GNAL: variants seen among roughly 807,000 people sequenced by gnomAD.
The protein encoded by GNAL is guanine nucleotide-binding protein G(olf) subunit alpha.
A neutral mutation model predicts 55.1 loss-of-function variants in GNAL; 18 were observed. The observed-to-expected ratio is 0.33, with a 90% CI of 0.23 to 0.48. GNAL has a LOEUF of 0.48. Among genes scored for constraint, GNAL ranks in the 20% least tolerant of loss-of-function variants. The pLI, the probability that GNAL is intolerant of heterozygous loss-of-function variation, is 0.99. For synonymous variants in GNAL, 253 were observed against 237.0 expected, an observed-to-expected ratio of 1.07 and a Z score of -0.62; for missense variants, 412 against 614.1, an observed-to-expected ratio of 0.67 and a Z score of 3.48.
At chr18:11,821,535 G>C (rs2035089482) in intron 4 of GNAL, among the ~76,000 whole-genome samples, 1 of 152,208 alleles carries the variant, frequency 6.6e-6, no homozygotes, top group African/African-American at 2.4e-5. Context: ...ATTTTAAATA[G>C]GGATTATCAT....
At position 11,878,393 on chromosome 18, in the gene GNAL, G is replaced by A. The variant is rs547031380; in HGVS notation, c.1230+1705G>A. On this transcript the variant is annotated intron_variant, in intron 11 of 11. Transcript: ENST00000334049. ...TTGAGCCTAGGAATTTGAGGTGGCA[G>A]TGAGCTATGATTGTGCCACTGCACC... 6.6e-5 allele frequency among the ~76,000 whole-genome samples: 10 copies of A among 152,322 alleles called. No homozygotes were observed. The South Asian group carries it at 1.9e-3, about 28-fold the overall frequency.
At chr18:11,734,152 T>C (rs1369279644) in intron 1 of GNAL, among the ~76,000 whole-genome samples, 2 of 149,834 alleles carry the variant, frequency 1.3e-5, no homozygotes, top group African/African-American at 4.9e-5. Context: ...CTTTTTCTTT[T>C]TTTTTTTTTT....
chr18:11,775,878 T>C (rs887086018), intron 4 of GNAL, among the ~76,000 whole-genome samples: 2 of 152,334 alleles, frequency 1.3e-5, no homozygotes, highest in South Asian at 4.1e-4. Context: ...AAAAAAGTTT[T>C]ATTGCTGAAA....
intron 11 of GNAL, among the ~76,000 whole-genome samples, chr18:11,880,126 G>A (rs608449): frequency 0.35 from 51,830 of 149,548 alleles, 9,918 homozygotes; most frequent in Admixed American, 0.43. Flanking sequence ...GCGTGGTGGC[G>A]CACGCCTGTA....
chr18:11,771,940 C>T (rs777671598), intron 4 of GNAL, among the ~76,000 whole-genome samples: 8 of 151,960 alleles, frequency 5.3e-5, no homozygotes, highest in Non-Finnish European at 1.2e-4. Flanking sequence ...AGCCTGGTCT[C>T]GAACTCCTGA....
rs984895037 is a variant in GNAL at position 11,723,458 on chromosome 18, T to G, written c.377-29395T>G. Among the ~76,000 whole-genome samples, 4 of 152,218 alleles carry G rather than the reference T, an allele frequency of 2.6e-5. No individual in the cohort carries two copies. In the South Asian group the frequency reaches 8.3e-4, roughly 32 times the overall value. The stretch of plus-strand genomic sequence containing the variant: ...TTGCTAATCCCTGGTCTAGACTCTA[T>G]AGACAACCCCAAGCATATGAACAAG... On this transcript the variant is annotated intron_variant, in intron 1 of 11. Transcript: ENST00000334049.
At chr18:11,741,079 CT>C (rs1009496670) in intron 1 of GNAL, among the ~76,000 whole-genome samples, 3 of 152,228 alleles carry the variant, frequency 2.0e-5, no homozygotes, top group African/African-American at 7.2e-5. Context: ...GCTAAGGCAA[CT>C]GGGCAAAGAG....
chr18:11,759,861 C>A (rs564056912), intron 4 of GNAL, among the ~76,000 whole-genome samples: 146 of 152,290 alleles, frequency 9.6e-4, no homozygotes, highest in African/African-American at 3.3e-3. Context: ...CTATCTCCTG[C>A]TAGAAGGCTT....
intron 1 of GNAL, among the ~76,000 whole-genome samples, chr18:11,706,613 A>G (rs1025194917): frequency 4.6e-5 from 7 of 152,342 alleles, no homozygotes; most frequent in Non-Finnish European, 8.8e-5. Flanking sequence ...AGTCCTCTCA[A>G]ACATGCTGCT....
chr18:11,725,610 T>C (rs937477698), intron 1 of GNAL, among the ~76,000 whole-genome samples: 7 of 152,232 alleles, frequency 4.6e-5, no homozygotes, highest in Non-Finnish European at 8.8e-5. Context: ...GGTGGCTCCA[T>C]GTCTTTTCAT....
At chr18:11,705,666 A>G (rs1411854450) in intron 1 of GNAL, among the ~76,000 whole-genome samples, 3 of 149,912 alleles carry the variant, frequency 2.0e-5, no homozygotes, top group African/African-American at 7.3e-5. Flanking sequence ...GTGTGAGGTG[A>G]TATGTCATTA....
intron 5 of GNAL, among the ~76,000 whole-genome samples, chr18:11,846,816 C>G (rs1270602134): frequency 6.6e-6 from 1 of 151,906 alleles, no homozygotes; most frequent in Non-Finnish European, 1.5e-5. Context: ...ACCTCAAACT[C>G]CTGGGCCGCC....
At position 11,842,033 on chromosome 18, in the gene GNAL, T is replaced by C. The variant is rs113103208; in HGVS notation, c.722+17018T>C. 3.4e-3 allele frequency among the ~76,000 whole-genome samples: 511 copies of C among 151,904 alleles called. 2 individuals are homozygous for C. The highest frequency in any genetic ancestry group is 0.012 in the African/African-American group (488 of 41,444). On this transcript the variant is annotated intron_variant, in intron 5 of 11. Coordinates refer to ENST00000334049, the MANE Select transcript of GNAL (RefSeq NM_182978.4). ...TGTTGCCCAGGCTGAAGTGCAATGG[T>C]GCAATCTCGACTCACCTCAACCTTC...
intron 5 of GNAL, among the ~76,000 whole-genome samples, chr18:11,850,324 A>C (rs2035829579): frequency 6.6e-6 from 1 of 152,158 alleles, no homozygotes; most frequent in Non-Finnish European, 1.5e-5. Context: ...GTGTTGTGAA[A>C]CTGACTGGCA....
At chr18:11,801,190 T>A (rs1598470987) in intron 4 of GNAL, among the ~76,000 whole-genome samples, 1 of 152,118 alleles carries the variant, frequency 6.6e-6, no homozygotes, top group African/African-American at 2.4e-5. Flanking sequence ...CAAAAAGATA[T>A]CTGCCCTGGG....
At chr18:11,797,834 GA>G (rs2034430790) in intron 4 of GNAL, among the ~76,000 whole-genome samples, 2 of 151,844 alleles carry the variant, frequency 1.3e-5, no homozygotes, top group Admixed American at 6.6e-5. Context: ...GGCCCACATG[GA>G]AAAAGGCAAA....
chr18:11,825,040 C>T (rs56207521), intron 5 of GNAL, 25 bp downstream of exon 5: 6 of 1,234,034 alleles, frequency 4.9e-6, no homozygotes, highest in Non-Finnish European at 7.1e-6. Flanking sequence ...GTACAAGTTA[C>T]AGGGCCCTTT....
chr18:11,694,796 C>T (rs981052055), intron 1 of GNAL, among the ~76,000 whole-genome samples: 1 of 152,160 alleles, frequency 6.6e-6, no homozygotes. Context: ...TCTCACAATT[C>T]TGGAGGTTGG....
chr18:11,702,825 A>AG (rs902764354), intron 1 of GNAL, among the ~76,000 whole-genome samples: 1 of 151,376 alleles, frequency 6.6e-6, no homozygotes, highest in Non-Finnish European at 1.5e-5. Context: ...CACTTAAAAA[A>AG]AAAAAAAAAT....
Sources: gnomAD v4.1 joint callset for allele counts (sites outside exome capture counted in the v4.1 genomes callset) on GRCh38, gnomAD v4.1.1 for gene constraint, MANE v1.5 for transcripts, NCBI Gene and HGNC (gene_info 2026-07-23, HGNC 2026-07-21) for gene names.